Variants in NAV1 observed in about 807,000 individuals in gnomAD.
NAV1 encodes pore membrane and/or filament interacting like protein 3.
A neutral mutation model predicts 175.2 loss-of-function variants in NAV1; 18 were observed. The observed-to-expected ratio is 0.10, with a 90% confidence interval of 0.07 to 0.15. NAV1 has a LOEUF of 0.15. NAV1 is among the 10% of genes least tolerant of loss of function. The pLI is 1.00. For synonymous variants in NAV1, 897 were observed against 978.7 expected (o/e 0.92, Z 1.56); for missense variants, 1,731 against 2,436.6 (o/e 0.71, Z 6.10).
intron 3 of NAV1, among the ~76,000 whole-genome samples, chr1:201,753,035 C>T (rs1026508791): frequency 6.6e-6 from 1 of 152,022 alleles, no homozygotes; most frequent in Non-Finnish European, 1.5e-5. Context: ...TTAAAGGTTA[C>T]CTTGTATAGT....
Position 201,602,033 on chromosome 1 carries a change from C to T in NAV1, c.-33+13384C>T, listed in dbSNP as rs148015993. Among the ~76,000 whole-genome samples the T allele has an allele frequency of 8.3e-4, 127 of 152,264 alleles. 1 individual carries two copies. Among genetic ancestry groups the T allele is most frequent in the African/African-American group, 2.9e-3 (121 of 41,558 alleles). ...GTTCCGCAGGTATATTTCCCATACC[C>T]ACCCTTCCACTGACCCACCAGAGAG... On this transcript the variant is annotated intron_variant, in intron 2 of 33. Transcript: ENST00000685211.
chr1:201,793,951 C>T, intron 14 of NAV1, 76 bp downstream of exon 18: 1 of 1,294,898 alleles, frequency 7.7e-7, no homozygotes, highest in Admixed American at 1.9e-5. Flanking sequence ...CGAAGCTGAC[C>T]ATCTGTTCTT....
At chr1:201,648,603 C>T (rs1457151986) in exon 1 of NAV1, 7 of 1,277,906 alleles carry the variant, frequency 5.5e-6, no homozygotes, top group Non-Finnish European at 6.9e-6. Flanking sequence ...CCTGCGCTCC[C>T]GCCCCCTGCC....
intron 1 of NAV1, among the ~76,000 whole-genome samples, chr1:201,557,431 G>T (rs1056867201): frequency 1.3e-5 from 2 of 152,200 alleles, no homozygotes. Flanking sequence ...CTGCCTTAGG[G>T]CTTGATTCCA....
At chr1:201,549,446 C>T (rs967821655) in intron 1 of NAV1, among the ~76,000 whole-genome samples, 3 of 152,070 alleles carry the variant, frequency 2.0e-5, no homozygotes, top group Non-Finnish European at 4.4e-5. Flanking sequence ...TAGGTTCAAG[C>T]GATCCACCTG....
chr1:201,802,857 C>T (rs1168729905), intron 15 of NAV1, among the ~76,000 whole-genome samples: 1 of 152,144 alleles, frequency 6.6e-6, no homozygotes, highest in Non-Finnish European at 1.5e-5. Context: ...TCCACCCTCA[C>T]TTTTTTCTGT....
exon 1 of NAV1, chr1:201,648,477 C>T (rs1008590363): frequency 4.9e-6 from 6 of 1,233,986 alleles, no homozygotes; most frequent in Non-Finnish European, 5.0e-6. Context: ...CGTTTCTTTC[C>T]CCTGCGCCCT....
At chr1:201,609,409 G>A (rs1268288897) in intron 2 of NAV1, among the ~76,000 whole-genome samples, 1 of 152,196 alleles carries the variant, frequency 6.6e-6, no homozygotes, top group African/African-American at 2.4e-5. Context: ...CTGGGCCTCT[G>A]GGCTGGAGGG....
At chr1:201,814,253 C>T (rs1345998879) in intron 28 of NAV1, among the ~76,000 whole-genome samples, 1 of 151,682 alleles carries the variant, frequency 6.6e-6, no homozygotes, top group African/African-American at 2.4e-5. Context: ...ACCTGTAGTC[C>T]CAGCTACTCT....
chr1:201,815,990 G>A (rs1458844487), intron 28 of NAV1, among the ~76,000 whole-genome samples: 1 of 151,992 alleles, frequency 6.6e-6, no homozygotes, highest in East Asian at 2.0e-4. Context: ...TTCCCACCTC[G>A]GCCTCCCAAA....
intron 2 of NAV1, among the ~76,000 whole-genome samples, chr1:201,612,943 T>C (rs953783633): frequency 8.5e-5 from 13 of 152,104 alleles, no homozygotes; most frequent in African/African-American, 3.1e-4. Flanking sequence ...GGGACACACT[T>C]CTCTCTTGCC....
intron 1 of NAV1, among the ~76,000 whole-genome samples, chr1:201,624,563 G>C (rs759576790): frequency 1.4e-4 from 21 of 151,430 alleles, no homozygotes; most frequent in Admixed American, 2.6e-4. Context: ...AGCCAGCATG[G>C]TCTCGATCTC....
intron 3 of NAV1, among the ~76,000 whole-genome samples, chr1:201,758,104 A>G (rs118128296): frequency 2.6e-5 from 4 of 152,182 alleles, no homozygotes. Context: ...CACGAGTTGC[A>G]TAGACTTCCT....
rs1420531486 is a variant in NAV1, at chr1:201,804,628, G to A, written c.3648+131G>A. On this transcript the variant is annotated intron_variant, in intron 17 of 29. Transcript: ENST00000367296. Reference sequence around the variant, plus strand: ...TGAATGACCACTCATAACACTAACTGTAACAACCACCCAGAGTTCCTAACT... The same window carrying A: ...TGAATGACCACTCATAACACTAACTATAACAACCACCCAGAGTTCCTAACT... The A allele has an allele frequency of 8.3e-6, 7 of 843,594 alleles. No homozygotes were observed. The East Asian group carries it at 1.3e-4, about 16-fold the overall frequency. 52.3% of individuals were successfully genotyped at this position (843,594 alleles called of 1,614,324 possible).
Position 201,549,493 on chromosome 1 carries a change from G to GC in NAV1, c.-144+10153dup, listed in dbSNP as rs1665782525. On this transcript the variant is annotated intron_variant, in intron 1 of 33. Transcript: ENST00000685211. ...CAAAGTTCTGGGATTACAGGCATGC[G>GC]CCAACGCGCCTGGCCTTCTGGCTTC... Among the ~76,000 whole-genome samples the GC allele has an allele frequency of 2.6e-5, 4 of 152,302 alleles. No homozygotes were observed. The South Asian group carries it at 8.3e-4, about 32-fold the overall frequency.
chr1:201,651,233 C>T, intron 1 of NAV1, among the ~76,000 whole-genome samples: 1 of 151,130 alleles, frequency 6.6e-6, no homozygotes, highest in African/African-American at 2.4e-5. Context: ...GGCACAGAAC[C>T]CTTTTCAGGG....
intron 3 of NAV1, among the ~76,000 whole-genome samples, chr1:201,760,465 T>G (rs1674770684): frequency 6.6e-6 from 1 of 152,244 alleles, no homozygotes; most frequent in South Asian, 2.1e-4. Flanking sequence ...CCTGAAGTAT[T>G]TCTTTTCCTC....
intron 2 of NAV1, among the ~76,000 whole-genome samples, chr1:201,631,451 A>G (rs1184068939): frequency 6.6e-6 from 1 of 152,224 alleles, no homozygotes; most frequent in Admixed American, 6.5e-5. Flanking sequence ...TCTACAAACC[A>G]TCAGTGAGTG....
chr1:201,808,285 T>C lies in NAV1; in HGVS notation c.3846-133T>C. Reference sequence around the variant, plus strand: ...TCCCTGGGCATATGAGACCAACAGATGGACCTTTCTTCTCATGCTGATTGA... The same window carrying C: ...TCCCTGGGCATATGAGACCAACAGACGGACCTTTCTTCTCATGCTGATTGA... On this transcript the variant is annotated intron_variant, in intron 18 of 29. Transcript: ENST00000367296. The surrounding 1 kb of genome is among the most constrained non-coding windows in gnomAD (Gnocchi z 5.5). The C allele has an allele frequency of 7.2e-7, 1 of 1,381,938 alleles. No homozygotes were observed. Among genetic ancestry groups the C allele is most frequent in the Non-Finnish European group, 9.9e-7 (1 of 1,011,768 alleles). The allele number at this position is 1,381,938 out of a possible 1,614,324, so 85.6% of individuals were successfully genotyped here.
Sources: allele counts gnomAD v4.1 joint callset (sites outside exome capture counted in the v4.1 genomes callset), GRCh38; gene constraint gnomAD v4.1.1; non-coding constraint Gnocchi (gnomAD v3.1); transcripts MANE v1.5; gene names NCBI Gene and HGNC (gene_info 2026-07-23, HGNC 2026-07-21).